Variants in DIS3L2 observed in about 807,000 individuals in gnomAD.
DIS3L2 encodes the protein DIS3-like exonuclease 2.
Under a neutral mutation model 97.5 loss-of-function variants are expected in DIS3L2, and 34 were observed. The ratio of observed to expected loss-of-function variants is 0.35; its 90% confidence interval spans 0.27 to 0.46. DIS3L2 has a LOEUF of 0.46. Among genes scored for constraint, DIS3L2 ranks in the 20% least tolerant of loss-of-function variants. The pLI is 1.00. For missense variants in DIS3L2, 1,038 were observed against 1,146.0 expected (o/e 0.91, Z 1.36); for synonymous variants, 435 against 445.2 (o/e 0.98, Z 0.29).
chr2:232,025,930 C>T (rs1042615484), intron 4 of DIS3L2, among the ~76,000 whole-genome samples: 1 of 152,090 alleles, frequency 6.6e-6, no homozygotes. Context: ...GATTTTTAAG[C>T]ATGAAAATGT....
At chr2:232,279,946 G>A (rs1034745786) in intron 13 of DIS3L2, among the ~76,000 whole-genome samples, 1 of 151,878 alleles carries the variant, frequency 6.6e-6, no homozygotes, top group African/African-American at 2.4e-5. Context: ...ATTCTCTCTG[G>A]CTTATCTTTT....
At chr2:232,247,584 C>T (rs1027487650) in intron 11 of DIS3L2, among the ~76,000 whole-genome samples, 9 of 112,886 alleles carry the variant, frequency 8.0e-5, no homozygotes, top group East Asian at 2.6e-4. Context: ...TACGGTCACA[C>T]TGGGGGTTAG....
chr2:232,343,195 G>A, intron 13 of DIS3L2: 1 of 694,872 alleles, frequency 1.4e-6, no homozygotes, highest in Non-Finnish European at 2.5e-6. Context: ...ATATGAAGAG[G>A]CTATTTCCTG....
chr2:232,160,894 C>T (rs1257741417), intron 8 of DIS3L2, among the ~76,000 whole-genome samples: 1 of 152,018 alleles, frequency 6.6e-6, no homozygotes, highest in African/African-American at 2.4e-5. Flanking sequence ...GATTTGTTTT[C>T]ATTATTCATT....
Position 232,163,514 on chromosome 2 carries a change from A to ATAC in DIS3L2, c.1009_1011dup (p.Leu337dup), listed in dbSNP as rs1690715787. On this transcript the variant is annotated inframe_insertion, in exon 9 of 21. Coordinates refer to ENST00000325385, the MANE Select transcript of DIS3L2 (RefSeq NM_152383.5). Reference sequence around the variant, plus strand: ...TGAAATTGAGCCTGAAACAGAAGGAATACTAACAGAGTATGGCGTGGATTT... The same window carrying ATAC: ...TGAAATTGAGCCTGAAACAGAAGGAATACTACTAACAGAGTATGGCGTGGATTT... 5 of 1,614,196 alleles carry ATAC rather than the reference A, an allele frequency of 3.1e-6. No homozygotes were observed. The highest frequency in any genetic ancestry group is 3.4e-6 in the Non-Finnish European group (4 of 1,180,024).
intron 11 of DIS3L2, among the ~76,000 whole-genome samples, chr2:232,244,320 G>A (rs72996117): frequency 0.012 from 1,816 of 152,236 alleles, 17 homozygotes; most frequent in Non-Finnish European, 0.018. Flanking sequence ...GGGGAGACAT[G>A]GGTGTGGTGT....
At chr2:232,011,809 C>T (rs1016735126) in intron 1 of DIS3L2, among the ~76,000 whole-genome samples, 26 of 152,044 alleles carry the variant, frequency 1.7e-4, no homozygotes, top group African/African-American at 5.3e-4. Flanking sequence ...GCCACCTTGC[C>T]CAGCTAATTT....
chr2:232,070,420 G>GT (rs1398865901), intron 5 of DIS3L2, among the ~76,000 whole-genome samples: 1 of 152,066 alleles, frequency 6.6e-6, no homozygotes, highest in Non-Finnish European at 1.5e-5. Flanking sequence ...AATGCTCTCT[G>GT]TTTATTTCTG....
At chr2:231,980,750 T>C (rs1213927923) in intron 1 of DIS3L2, among the ~76,000 whole-genome samples, 1 of 152,010 alleles carries the variant, frequency 6.6e-6, no homozygotes, top group Non-Finnish European at 1.5e-5. Context: ...TAAAAGGTCA[T>C]GATTGGAATT....
intron 13 of DIS3L2, among the ~76,000 whole-genome samples, chr2:232,288,657 G>A (rs745825530): frequency 5.3e-5 from 8 of 152,152 alleles, no homozygotes; most frequent in Non-Finnish European, 1.2e-4. Flanking sequence ...GTTCTCTGCT[G>A]TTTTTTCAAG....
At chr2:232,063,697 A>C (rs1403230327) in intron 5 of DIS3L2, among the ~76,000 whole-genome samples, 1 of 152,098 alleles carries the variant, frequency 6.6e-6, no homozygotes, top group Non-Finnish European at 1.5e-5. Flanking sequence ...CCTAAAGCTT[A>C]TACCATTTGA....
chr2:232,040,505 T>C (rs1695080042), intron 5 of DIS3L2, among the ~76,000 whole-genome samples: 1 of 152,228 alleles, frequency 6.6e-6, no homozygotes. Context: ...TTTCCCTTTT[T>C]TTCATCAAGT....
intron 10 of DIS3L2, among the ~76,000 whole-genome samples, chr2:232,227,922 T>A (rs72994279): frequency 0.012 from 1,821 of 152,334 alleles, 17 homozygotes; most frequent in Non-Finnish European, 0.018. Flanking sequence ...TCTTGTATAT[T>A]TGGCTGGTAG....
chr2:232,050,978 G>A (rs982286217), intron 5 of DIS3L2, among the ~76,000 whole-genome samples: 1 of 152,226 alleles, frequency 6.6e-6, no homozygotes, highest in East Asian at 1.9e-4. Flanking sequence ...CAGTTGGAAA[G>A]GAGAGTTTGC....
chr2:232,337,097 T>C lies in DIS3L2; in HGVS notation c.*467T>C. 3 of 1,022,344 alleles carry C rather than the reference T, an allele frequency of 2.9e-6. No individual in the cohort carries two copies. Among genetic ancestry groups the C allele is most frequent in the East Asian group, 1.1e-4 (1 of 9,292 alleles). The allele number at this position is 1,022,344 out of a possible 1,614,324, so 63.3% of individuals were successfully genotyped here. On this transcript the variant is annotated 3_prime_UTR_variant, in exon 21 of 21. Transcript: ENST00000325385. ...GAGCCGATGTCAACACCTGGAACTT[T>C]CCTGTCAGTTCCAACACGATTCAGA...
At chr2:232,094,043 A>G (rs1459683157) in intron 6 of DIS3L2, among the ~76,000 whole-genome samples, 1 of 151,960 alleles carries the variant, frequency 6.6e-6, no homozygotes, top group East Asian at 1.9e-4. Flanking sequence ...TGATTCCATT[A>G]TCATTTGTTT....
At chr2:232,086,177 G>A (rs950320785) in intron 5 of DIS3L2, among the ~76,000 whole-genome samples, 19 of 146,850 alleles carry the variant, frequency 1.3e-4, no homozygotes, top group Admixed American at 1.3e-4. Context: ...ACGTATATAC[G>A]TATATATACA....
chr2:231,962,435 A>AC (rs1692589733), intron 1 of DIS3L2, among the ~76,000 whole-genome samples: 1 of 121,100 alleles, frequency 8.3e-6, no homozygotes, highest in Non-Finnish European at 1.7e-5. Context: ...GTCTACCGTT[A>AC]CCTTTTTTTT....
At chr2:232,013,874 T>G (rs1014377930) in intron 1 of DIS3L2, among the ~76,000 whole-genome samples, 3 of 152,216 alleles carry the variant, frequency 2.0e-5, no homozygotes, top group Non-Finnish European at 4.4e-5. Flanking sequence ...TTATCCTTTG[T>G]CTCCATTGCT....
Sources: gnomAD v4.1 joint callset for allele counts (sites outside exome capture counted in the v4.1 genomes callset) on GRCh38, gnomAD v4.1.1 for gene constraint, MANE v1.5 for transcripts, NCBI Gene and HGNC (gene_info 2026-07-23, HGNC 2026-07-21) for gene names.